PPL: variants seen among roughly 807,000 people sequenced by gnomAD.
PPL encodes the protein periplakin, also known as 190 kDa paraneoplastic pemphigus antigen.
Under a neutral mutation model 194.4 loss-of-function variants are expected in PPL, and 198 were observed. The observed-to-expected ratio is 1.02, with a 90% CI of 0.91 to 1.15. PPL has a LOEUF of 1.15. PPL is among the 50% of genes most tolerant of loss of function. The probability of loss-of-function intolerance (pLI) is 0.00; values close to 1 mark genes in which losing one functional copy is unlikely to be tolerated. For missense variants in PPL, 2,885 were observed against 2,294.8 expected (o/e 1.26, Z -5.25); for synonymous variants, 1,220 against 972.4 (o/e 1.25, Z -4.74).
At chr16:4,886,569 A>G (rs141009440) in intron 21 of PPL, among the ~76,000 whole-genome samples, 4 of 152,350 alleles carry the variant, frequency 2.6e-5, no homozygotes, top group African/African-American at 4.8e-5. Flanking sequence ...TTAAAAAACA[A>G]TGCTGTCATC....
intron 1 of PPL, among the ~76,000 whole-genome samples, chr16:4,916,077 T>C (rs913284990): frequency 3.9e-5 from 6 of 152,154 alleles, no homozygotes; most frequent in Non-Finnish European, 5.9e-5. Context: ...TGTGGAGAAA[T>C]TGGAACCCTC....
chr16:4,912,971 G>A (rs1253763593), intron 1 of PPL, among the ~76,000 whole-genome samples: 2 of 152,154 alleles, frequency 1.3e-5, no homozygotes, highest in Non-Finnish European at 2.9e-5. Context: ...AGGTGTGGTG[G>A]CATGCGCCTG....
At chr16:4,928,001 G>C (rs1307261437) in intron 1 of PPL, among the ~76,000 whole-genome samples, 6 of 152,254 alleles carry the variant, frequency 3.9e-5, no homozygotes, top group Non-Finnish European at 8.8e-5. Context: ...GGCTGCTCAG[G>C]AGGCTGAGGT....
chr16:4,900,077 T>C (rs561652251), intron 6 of PPL, among the ~76,000 whole-genome samples: 1 of 152,252 alleles, frequency 6.6e-6, no homozygotes, highest in South Asian at 2.1e-4. Flanking sequence ...GTGTCACCAC[T>C]AACACTAAGG....
chr16:4,895,062 T>C (rs2088395829), intron 11 of PPL, among the ~76,000 whole-genome samples, 199 bp downstream of exon 11: 1 of 152,036 alleles, frequency 6.6e-6, no homozygotes, highest in Non-Finnish European at 1.5e-5. Context: ...GCTAAGCTGG[T>C]GGAACACAAG....
intron 1 of PPL, 74 bp from the exon 2 acceptor site, chr16:4,911,023 C>T (rs971530977): frequency 7.9e-7 from 1 of 1,269,260 alleles, no homozygotes; most frequent in East Asian, 2.4e-5. Flanking sequence ...AGCACCCCAT[C>T]CTCTGGCTGG....
chr16:4,901,240 A>G lies in PPL; in HGVS notation c.439-151T>C, dbSNP rs1037551540. ...CAAGGAGATGCTGGCCACACCTTCAACCCTGAGGTTCTGTTTGCTGAGCAC... is the reference window on the plus strand; with the variant it reads ...CAAGGAGATGCTGGCCACACCTTCAGCCCTGAGGTTCTGTTTGCTGAGCAC... On this transcript the variant is annotated intron_variant, in intron 4 of 21. Transcript: ENST00000345988. 3.6e-6 allele frequency: 3 copies of G among 824,692 alleles called. No individual in the cohort carries two copies. In the African/African-American group the frequency reaches 5.2e-5, roughly 14 times the overall value. 51.1% of individuals were successfully genotyped at this position (824,692 alleles called of 1,614,324 possible). A position where few individuals can be genotyped will look rare whatever the true frequency, so the allele number is the denominator to read the frequency against.
chr16:4,885,421 C>T lies in PPL; in HGVS notation c.3234G>A (p.Gln1078=). ...GCTTCTCCCTGAGCTGGTCCTGGCG[C>T]TGGTGGTCCTCCTGCAGCTGCTGGT... ...AEYQQLQEDH[Q]RQDQLREKQE... Residue 1078 remains glutamine, a synonymous_variant, in exon 22 of 22, where the codon CAG becomes CAA. Coordinates refer to ENST00000345988, the MANE Select transcript of PPL (RefSeq NM_002705.5). The surrounding 1 kb of genome is among the most constrained non-coding windows in gnomAD (Gnocchi z 6.3). 3 of 1,612,756 alleles carry T rather than the reference C, an allele frequency of 1.9e-6. No homozygotes were observed. Among genetic ancestry groups the T allele is most frequent in the Non-Finnish European group, 2.5e-6 (3 of 1,179,990 alleles).
At chr16:4,925,368 G>T (rs1222543406) in intron 1 of PPL, among the ~76,000 whole-genome samples, 1 of 151,280 alleles carries the variant, frequency 6.6e-6, no homozygotes, top group Admixed American at 6.6e-5. Flanking sequence ...GGACACTCAG[G>T]AAATAACTGA....
At chr16:4,935,891 A>C (rs2089291293) in intron 1 of PPL, among the ~76,000 whole-genome samples, 1 of 152,176 alleles carries the variant, frequency 6.6e-6, no homozygotes, top group Non-Finnish European at 1.5e-5. Context: ...CAGAACTCCC[A>C]GACAGGAGAG....
At position 4,935,201 on chromosome 16, in the gene PPL, G is replaced by A. The variant is rs112853029; in HGVS notation, c.62+1783C>T. Among the ~76,000 whole-genome samples, 335 of 152,296 alleles carry A rather than the reference G, an allele frequency of 2.2e-3. 1 individual carries two copies. The highest frequency in any genetic ancestry group is 7.7e-3 in the African/African-American group (322 of 41,570). On this transcript the variant is annotated intron_variant, in intron 1 of 21. Transcript: ENST00000345988. ...AGGATGGGATGCCTTTCATCCTCAT[G>A]CTTCTGGGAAAGCCCGCACCCCTCC...
chr16:4,883,462 G>A lies in PPL; in HGVS notation c.5193C>T (p.Thr1731=). The A allele has an allele frequency of 6.2e-7, 1 of 1,614,144 alleles. No homozygotes were observed. Among genetic ancestry groups the A allele is most frequent in the Non-Finnish European group, 8.5e-7 (1 of 1,180,018 alleles). ...IEEALQSGRL[T]PAQYDRYVNK... ...TGACATAGCGGTCATACTGAGCAGG[G>A]GTCAGCCTGCCACTCTGCAGGGCCT... The change falls in exon 22 of 22, where the codon ACC becomes ACT. Residue 1731 remains threonine, a synonymous_variant. Transcript: ENST00000345988. The surrounding 1 kb of genome is among the most constrained non-coding windows in gnomAD (Gnocchi z 4.8).
intron 2 of PPL, among the ~76,000 whole-genome samples, chr16:4,905,076 C>A (rs1484322816): frequency 6.6e-6 from 1 of 152,124 alleles, no homozygotes; most frequent in Non-Finnish European, 1.5e-5. Flanking sequence ...CCTGAGGGAT[C>A]CCCAGTCCCG....
In PPL at chr16:4,908,231, C is replaced by T. The variant is rs184315601; in HGVS notation, c.162+2619G>A. On this transcript the variant is annotated intron_variant, in intron 2 of 21. Transcript: ENST00000345988. ...CAGGCCAAGCACACAGTGGCTCATG[C>T]CTGTAAATCCCAGCACTTTGGGAAG... Among the ~76,000 whole-genome samples, 241 of 150,442 alleles carry T rather than the reference C, an allele frequency of 1.6e-3. 3 individuals are homozygous for T. The highest frequency in any genetic ancestry group is 3.4e-3 in the Admixed American group (51 of 15,132).
Position 4,885,048 on chromosome 16 carries a change from G to A in PPL, c.3607C>T (p.Arg1203Trp), listed in dbSNP as rs753167986. The A allele has an allele frequency of 7.7e-5, 125 of 1,613,292 alleles. No individual in the cohort carries two copies. Among genetic ancestry groups the A allele is most frequent in the East Asian group, 2.2e-4 (10 of 44,870 alleles). The change falls in exon 22 of 22, where the codon CGG becomes TGG. Residue 1203 changes from arginine to tryptophan, a missense_variant. Transcript: ENST00000345988. This position sits in a 1 kb window ranked among gnomAD's most constrained non-coding sequence, Gnocchi z 6.3. ...LELVEQERKY[R>W]GAEEQLRSYQ... The stretch of plus-strand genomic sequence containing the variant: ...CTCCGGAGCTGCTCCTCGGCACCCC[G>A]GTACTTTCGCTCCTGCTCCACAAGC...
chr16:4,898,210 T>C (rs1228417268), intron 8 of PPL, among the ~76,000 whole-genome samples: 2 of 152,142 alleles, frequency 1.3e-5, no homozygotes, highest in African/African-American at 4.8e-5. Flanking sequence ...AGACCCTGTC[T>C]CTACTAAAAA....
In PPL at chr16:4,899,278, T is replaced by C; in HGVS notation, c.713A>G (p.Gln238Arg). The change falls in exon 7 of 22, where the codon CAG (glutamine) becomes CGG (arginine). Residue 238 changes from glutamine to arginine, a missense_variant. Gln to Arg is a conservative substitution (Grantham distance 43). Transcript: ENST00000345988. ...GAGGTTGCGGTCACTCCAGTCGTACTGCATGCGGCCCTTGGCCTGCTGGTC... is the reference window on the plus strand; with the variant it reads ...GAGGTTGCGGTCACTCCAGTCGTACCGCATGCGGCCCTTGGCCTGCTGGTC... ...WLDQQAKGRM[Q>R]YDWSDRNLDY... 3 of 1,613,868 alleles carry C rather than the reference T, an allele frequency of 1.9e-6. No homozygotes were observed. Among genetic ancestry groups the C allele is most frequent in the Middle Eastern group, 1.6e-4 (1 of 6,062 alleles).
chr16:4,885,809 C>G lies in PPL; in HGVS notation c.2846G>C (p.Ser949Thr). The change falls in exon 22 of 22, where the codon AGC becomes ACC. Residue 949 changes from serine to threonine, a missense_variant. By Grantham distance (58) the Ser-to-Thr change is moderately conservative (BLOSUM62 1). Coordinates refer to ENST00000345988, the MANE Select transcript of PPL (RefSeq NM_002705.5). The surrounding 1 kb of genome is among the most constrained non-coding windows in gnomAD (Gnocchi z 6.3). Reference sequence around the variant, plus strand: ...CAGCGTCCGCTGCAGCTGCTGGAAGCTCTCCTCCAGCACGGGATCCGGCAC... The same window carrying G: ...CAGCGTCCGCTGCAGCTGCTGGAAGGTCTCCTCCAGCACGGGATCCGGCAC... Reference protein sequence around the residue: ...KKVPDPVLEESFQQLQRTLAE... With the variant: ...KKVPDPVLEETFQQLQRTLAE... 4 of 1,608,906 alleles carry G rather than the reference C, an allele frequency of 2.5e-6. No homozygotes were observed. The highest frequency in any genetic ancestry group is 3.4e-6 in the Non-Finnish European group (4 of 1,179,992).
chr16:4,884,178 C>A lies in PPL; in HGVS notation c.4477G>T (p.Ala1493Ser), dbSNP rs749456295. 2.5e-6 allele frequency: 4 copies of A among 1,613,868 alleles called. No individual in the cohort carries two copies. In the South Asian group the frequency reaches 4.4e-5, roughly 18 times the overall value. ...LRRKLAALEK[A>S]EVKEKVVLSE... ...AGCACCACCTTCTCCTTGACCTCCG[C>A]CTTCTCCAGTGCAGCCAGTTTCCTC... Residue 1493 changes from alanine (A) to serine (S), a missense_variant, in exon 22 of 22, where the codon GCG becomes TCG. Coordinates refer to ENST00000345988, the MANE Select transcript of PPL (RefSeq NM_002705.5). The surrounding 1 kb of genome is among the most constrained non-coding windows in gnomAD (Gnocchi z 5.7).
Sources: allele counts gnomAD v4.1 joint callset (sites outside exome capture counted in the v4.1 genomes callset), GRCh38; gene constraint gnomAD v4.1.1; non-coding constraint Gnocchi (gnomAD v3.1); transcripts MANE v1.5; gene names NCBI Gene and HGNC (gene_info 2026-07-23, HGNC 2026-07-21).